Variants in NELL1 observed in about 807,000 individuals in gnomAD.
NELL1 encodes protein kinase C-binding protein NELL1.
NELL1 carries 76 observed loss-of-function variants against 107.4 expected under a neutral mutation model. That is an observed-to-expected ratio of 0.71 (90% CI 0.59 to 0.86). The LOEUF (loss-of-function observed/expected upper bound fraction) is 0.86, where lower values mean the gene tolerates loss of function less well. NELL1 is among the 40% of genes least tolerant of loss of function. The pLI is 0.00. For synonymous variants in NELL1, 353 were observed against 341.2 expected (o/e 1.03, Z -0.38); for missense variants, 1,024 against 1,005.5 (o/e 1.02, Z -0.25).
At chr11:21,056,593 A>G (rs1853621234) in intron 12 of NELL1, among the ~76,000 whole-genome samples, 1 of 152,200 alleles carries the variant, frequency 6.6e-6, no homozygotes, top group African/African-American at 2.4e-5. Flanking sequence ...TTTTAAAGGA[A>G]CATTCATTTG....
intron 3 of NELL1, among the ~76,000 whole-genome samples, chr11:20,845,043 A>T (rs546199684): frequency 6.6e-6 from 1 of 152,188 alleles, no homozygotes; most frequent in African/African-American, 2.4e-5. Context: ...TTTTATCCAG[A>T]TGTCACTTAG....
intron 13 of NELL1, among the ~76,000 whole-genome samples, chr11:21,208,005 T>G (rs1590734741): frequency 6.6e-6 from 1 of 152,310 alleles, no homozygotes; most frequent in East Asian, 1.9e-4. Context: ...CATCATCTCA[T>G]ATACTTACCC....
intron 7 of NELL1, among the ~76,000 whole-genome samples, chr11:20,925,659 A>G (rs543711642): frequency 6.6e-6 from 1 of 152,212 alleles, no homozygotes; most frequent in South Asian, 2.1e-4. Flanking sequence ...GGAAGCTAAT[A>G]TTTCAGGCAG....
At chr11:21,502,949 C>A (rs538137736) in intron 15 of NELL1, among the ~76,000 whole-genome samples, 11 of 152,218 alleles carry the variant, frequency 7.2e-5, no homozygotes, top group African/African-American at 2.6e-4. Context: ...ATGGCATGAT[C>A]TAGGCTCACC....
At chr11:20,757,338 A>T (rs1856319809) in intron 2 of NELL1, among the ~76,000 whole-genome samples, 2 of 152,278 alleles carry the variant, frequency 1.3e-5, no homozygotes, top group South Asian at 4.1e-4. Context: ...GGGTATAGAG[A>T]GACTTCTCCT....
rs114607919 is a variant in NELL1 at position 21,404,715 on chromosome 11, T to G, written c.1645+33767T>G. Among the ~76,000 whole-genome samples, 584 of 152,120 alleles carry G rather than the reference T, an allele frequency of 3.8e-3. 3 individuals carry two copies. The highest frequency in any genetic ancestry group is 0.013 in the African/African-American group (560 of 41,554). On this transcript the variant is annotated intron_variant, in intron 15 of 19. Transcript: ENST00000357134. ...AATTAGAAATTTTAGGCACTCAACA[T>G]GTAACTAATATGGTCCAGAACTGGG...
intron 12 of NELL1, among the ~76,000 whole-genome samples, chr11:21,038,584 C>A (rs1289615612): frequency 6.6e-6 from 1 of 152,172 alleles, no homozygotes; most frequent in African/African-American, 2.4e-5. Flanking sequence ...CTTACCAACT[C>A]AAACGCCACT....
chr11:21,332,822 G>A (rs1485340889), intron 14 of NELL1, among the ~76,000 whole-genome samples: 2 of 151,714 alleles, frequency 1.3e-5, no homozygotes, highest in African/African-American at 4.8e-5. Context: ...CTTCCAACTA[G>A]AGAACAAACA....
chr11:21,513,797 A>G (rs1564933757), intron 15 of NELL1, among the ~76,000 whole-genome samples: 1 of 152,198 alleles, frequency 6.6e-6, no homozygotes, highest in African/African-American at 2.4e-5. Flanking sequence ...ACTGAAATAT[A>G]AAATACATGG....
At chr11:21,515,980 C>A (rs1249498038) in intron 15 of NELL1, among the ~76,000 whole-genome samples, 2 of 152,184 alleles carry the variant, frequency 1.3e-5, no homozygotes, top group Admixed American at 1.3e-4. Context: ...CTCCTGGAGA[C>A]ATACTTGTTT....
chr11:20,911,624 C>T (rs1377084716), intron 5 of NELL1, among the ~76,000 whole-genome samples: 2 of 152,144 alleles, frequency 1.3e-5, no homozygotes, highest in Admixed American at 1.3e-4. Context: ...TCTGGGTTTC[C>T]AGCTTCAAAG....
intron 13 of NELL1, among the ~76,000 whole-genome samples, chr11:21,156,009 A>G (rs1462411758): frequency 1.3e-5 from 2 of 152,258 alleles, no homozygotes; most frequent in East Asian, 3.9e-4. Context: ...AGGAGTCATA[A>G]TGAAGTAGGA....
intron 15 of NELL1, among the ~76,000 whole-genome samples, chr11:21,433,101 G>A (rs1007898325): frequency 1.3e-5 from 2 of 152,110 alleles, no homozygotes; most frequent in African/African-American, 2.4e-5. Context: ...ATATGAGTGA[G>A]AACATGTGAT....
At chr11:20,783,620 A>G in intron 2 of NELL1, 60 bp from the exon 3 acceptor site, 1 of 1,220,786 alleles carries the variant, frequency 8.2e-7, no homozygotes, top group Non-Finnish European at 1.1e-6. Context: ...TTTCTTCTCT[A>G]CTCCTTCTCC....
At chr11:20,938,554 A>T (rs1050870682) in intron 10 of NELL1, among the ~76,000 whole-genome samples, 3 of 152,118 alleles carry the variant, frequency 2.0e-5, no homozygotes, top group African/African-American at 7.2e-5. Flanking sequence ...GACTGAGAAG[A>T]TCTCTCTGAG....
At chr11:21,313,952 C>T (rs1319096225) in intron 14 of NELL1, among the ~76,000 whole-genome samples, 3 of 145,598 alleles carry the variant, frequency 2.1e-5, no homozygotes, top group East Asian at 2.2e-4. Context: ...TAAGTTCTTG[C>T]GAGATCTGGT....
In NELL1 at chr11:20,894,348, G is replaced by A. The variant is rs958015632; in HGVS notation, c.603+8808G>A. The stretch of plus-strand genomic sequence containing the variant: ...CTAAGAGAGTAAAAAGGCATGTCAA[G>A]GAATAGGAGGAGCTATTCAAAGTAG... On this transcript the variant is annotated intron_variant, in intron 5 of 19. Transcript: ENST00000357134. 2.0e-5 allele frequency among the ~76,000 whole-genome samples: 3 copies of A among 152,172 alleles called. No homozygotes were observed. The South Asian group carries it at 6.2e-4, about 32-fold the overall frequency.
intron 3 of NELL1, among the ~76,000 whole-genome samples, chr11:20,794,377 C>A (rs949518574): frequency 3.3e-5 from 5 of 152,200 alleles, no homozygotes; most frequent in Non-Finnish European, 5.9e-5. Context: ...ATAGTATGCA[C>A]TCAATAAACA....
At chr11:21,163,966 G>T (rs1856428230) in intron 13 of NELL1, among the ~76,000 whole-genome samples, 1 of 151,928 alleles carries the variant, frequency 6.6e-6, no homozygotes, top group South Asian at 2.1e-4. Flanking sequence ...CAATAAGATT[G>T]GTGTGTTTAT....
Sources: gnomAD v4.1 joint callset for allele counts (sites outside exome capture counted in the v4.1 genomes callset) on GRCh38, gnomAD v4.1.1 for gene constraint, MANE v1.5 for transcripts, NCBI Gene and HGNC (gene_info 2026-07-23, HGNC 2026-07-21) for gene names.